The following FAM83B variants were observed in gnomAD, a reference collection of about 807,000 sequenced individuals.
FAM83B encodes the protein scaffolding CK1 anchoring protein B, also known as protein FAM83B.
Under a neutral mutation model 38.8 loss-of-function variants are expected in FAM83B, and 26 were observed. The ratio of observed to expected loss-of-function variants is 0.67; its 90% CI spans 0.49 to 0.93. The LOEUF (loss-of-function observed/expected upper bound fraction) is 0.93. Ranked by LOEUF, FAM83B falls within the 40% of genes least tolerant of loss-of-function variation. The pLI is 0.00. For missense variants in FAM83B, 1,237 were observed against 1,197.3 expected (o/e 1.03, Z -0.49); for synonymous variants, 419 against 423.1 (o/e 0.99, Z 0.12).
At chr6:54,869,061 TCA>T (rs1364059785) in intron 1 of FAM83B, among the ~76,000 whole-genome samples, 3 of 152,206 alleles carry the variant, frequency 2.0e-5, no homozygotes, top group African/African-American at 7.2e-5. Context: ...TTCCAGTATC[TCA>T]CACAGTGTGG....
chr6:54,865,879 T>A (rs924194935), intron 1 of FAM83B, among the ~76,000 whole-genome samples: 3 of 151,968 alleles, frequency 2.0e-5, no homozygotes, highest in Non-Finnish European at 2.9e-5. Context: ...TGAAAAAACA[T>A]CTCTTTTCAA....
chr6:54,867,094 T>C (rs1487417293), intron 1 of FAM83B, among the ~76,000 whole-genome samples: 1 of 151,868 alleles, frequency 6.6e-6, no homozygotes, highest in East Asian at 1.9e-4. Context: ...CTTTTTTTTT[T>C]TCTCTACTCA....
chr6:54,883,204 A>C (rs111343681), intron 2 of FAM83B, among the ~76,000 whole-genome samples: 22,855 of 152,022 alleles, frequency 0.15, 1,921 homozygotes, highest in African/African-American at 0.22. Flanking sequence ...TGGCCTCCCA[A>C]AGTGCTGGGA....
intron 4 of FAM83B, among the ~76,000 whole-genome samples, chr6:54,933,167 G>T: frequency 6.8e-6 from 1 of 147,048 alleles, no homozygotes; most frequent in Admixed American, 6.8e-5. Flanking sequence ...TTGCTCTTCT[G>T]ACTCAATTAT....
intron 2 of FAM83B, among the ~76,000 whole-genome samples, chr6:54,880,320 G>T (rs11967811): frequency 2.8e-4 from 43 of 152,130 alleles, no homozygotes; most frequent in African/African-American, 9.9e-4. Flanking sequence ...TAAGTATCAG[G>T]ATTATAGAGA....
At chr6:54,895,050 T>A (rs1202530388) in intron 2 of FAM83B, among the ~76,000 whole-genome samples, 1 of 152,196 alleles carries the variant, frequency 6.6e-6, no homozygotes, top group Non-Finnish European at 1.5e-5. Flanking sequence ...TTGACCAAGG[T>A]CAGCAGCTGA....
chr6:54,850,197 T>G (rs1771240791), intron 1 of FAM83B, among the ~76,000 whole-genome samples: 1 of 152,188 alleles, frequency 6.6e-6, no homozygotes, highest in Admixed American at 6.5e-5. Context: ...AGACGTTGTT[T>G]GTGTTCATTA....
rs1189984339 is a variant in FAM83B, at chr6:54,909,420, C to T, written c.445-16951C>T. Among the ~76,000 whole-genome samples, 5 of 152,024 alleles carry T rather than the reference C, an allele frequency of 3.3e-5. No homozygotes were observed. The East Asian group carries it at 5.8e-4, about 18-fold the overall frequency. ...TTGCCATTACTTTCAGTGGTGAAAC[C>T]GCAATTACTTCTGCACCAACCTAAT... On this transcript the variant is annotated intron_variant, in intron 2 of 4. Transcript: ENST00000306858.
intron 1 of FAM83B, among the ~76,000 whole-genome samples, chr6:54,865,971 A>G (rs201832443): frequency 6.6e-4 from 1 of 1,522 alleles, no homozygotes; most frequent in Non-Finnish European, 2.4e-3. Context: ...AATAGTCATA[A>G]TAATAATAAT....
chr6:54,899,125 A>G (rs981641131), intron 2 of FAM83B, among the ~76,000 whole-genome samples: 1 of 152,178 alleles, frequency 6.6e-6, no homozygotes, highest in African/African-American at 2.4e-5. Flanking sequence ...TGCCCAGCAT[A>G]TTTCTTAAAT....
chr6:54,883,995 C>A (rs924522557), intron 2 of FAM83B, among the ~76,000 whole-genome samples: 7 of 151,730 alleles, frequency 4.6e-5, no homozygotes, highest in African/African-American at 1.7e-4. Flanking sequence ...TATAGGGAAA[C>A]CCTGTCTCTA....
intron 2 of FAM83B, among the ~76,000 whole-genome samples, chr6:54,871,023 T>C (rs1037832952): frequency 7.2e-5 from 11 of 152,228 alleles, no homozygotes; most frequent in South Asian, 2.1e-4. Flanking sequence ...ATTTTTCTTC[T>C]TCTCTGAAAG....
At chr6:54,883,760 A>G (rs1772197421) in intron 2 of FAM83B, among the ~76,000 whole-genome samples, 1 of 150,572 alleles carries the variant, frequency 6.6e-6, no homozygotes, top group Admixed American at 6.6e-5. Context: ...TCACTCTGAT[A>G]ATGGTTTTTT....
chr6:54,941,814 A>G lies in FAM83B; in HGVS notation c.2843A>G (p.Gln948Arg), dbSNP rs1246672643. The change falls in exon 5 of 5, where the codon CAG becomes CGG. Residue 948 changes from glutamine (Q) to arginine (R), a missense_variant. Gln to Arg is a conservative substitution (Grantham distance 43). Coordinates refer to ENST00000306858, the MANE Select transcript of FAM83B (RefSeq NM_001010872.3). ...TTTTGTAAGATTGAGAGCTCTATTC[A>G]GCCAACAAGCAACATGCCAAATACC... The part of the protein sequence containing the change: ...EPFCKIESSI[Q>R]PTSNMPNTSI... 2 of 1,614,018 alleles carry G rather than the reference A, an allele frequency of 1.2e-6. No individual in the cohort carries two copies. Among genetic ancestry groups the G allele is most frequent in the Non-Finnish European group, 1.7e-6 (2 of 1,180,020 alleles).
intron 1 of FAM83B, among the ~76,000 whole-genome samples, chr6:54,862,110 C>T (rs73437775): frequency 0.096 from 14,654 of 152,146 alleles, 802 homozygotes; most frequent in South Asian, 0.15. Context: ...GTATTCCAGC[C>T]GTTGTACTCA....
At chr6:54,906,889 G>A (rs1470480618) in intron 2 of FAM83B, among the ~76,000 whole-genome samples, 1 of 152,142 alleles carries the variant, frequency 6.6e-6, no homozygotes, top group East Asian at 1.9e-4. Context: ...CACAGATACA[G>A]CAGGTATTAT....
chr6:54,909,870 GAGAAA>G (rs1649033341), intron 2 of FAM83B, among the ~76,000 whole-genome samples: 1 of 152,128 alleles, frequency 6.6e-6, no homozygotes, highest in African/African-American at 2.4e-5. Context: ...AATTTTCTTA[GAGAAA>G]AGAAAAGACG....
At chr6:54,923,784 T>C (rs1195789985) in intron 2 of FAM83B, among the ~76,000 whole-genome samples, 1 of 151,754 alleles carries the variant, frequency 6.6e-6, no homozygotes, top group Non-Finnish European at 1.5e-5. Flanking sequence ...TCTGCACCTT[T>C]ATACTTAGCC....
chr6:54,866,320 G>T (rs1386420459), intron 1 of FAM83B, among the ~76,000 whole-genome samples: 1 of 151,832 alleles, frequency 6.6e-6, no homozygotes, highest in Non-Finnish European at 1.5e-5. Flanking sequence ...AATCCAGAGA[G>T]ATTCTTTGTA....
Sources: gnomAD v4.1 joint callset for allele counts (sites outside exome capture counted in the v4.1 genomes callset) on GRCh38, gnomAD v4.1.1 for gene constraint, MANE v1.5 for transcripts, NCBI Gene and HGNC (gene_info 2026-07-23, HGNC 2026-07-21) for gene names.